Variants in SLC47A1 observed in about 807,000 individuals in gnomAD.
The protein encoded by SLC47A1 is multidrug and toxin extrusion protein 1.
Under a neutral mutation model 65.8 loss-of-function variants are expected in SLC47A1, and 58 were observed. The ratio of observed to expected loss-of-function variants is 0.88; its 90% CI spans 0.71 to 1.10. The LOEUF (loss-of-function observed/expected upper bound fraction) is 1.10. Ranked by LOEUF, SLC47A1 falls within the 50% of genes least tolerant of loss-of-function variation. The pLI is 0.00. For synonymous variants in SLC47A1, 285 were observed against 295.0 expected, an observed-to-expected ratio of 0.97 and a Z score of 0.35; for missense variants, 706 against 719.2, an observed-to-expected ratio of 0.98 and a Z score of 0.21.
In SLC47A1 at chr17:19,555,266, C is replaced by G. The variant is rs768154361; in HGVS notation, c.598C>G (p.Leu200Val). ...AGTTGCAGCCAACCTTGTCAATGCC[C>G]TCGCCAACTATCTGTTTCTCCATCA... ...TGVAANLVNALANYLFLHQLH... is the reference protein window; with the variant it reads ...TGVAANLVNAVANYLFLHQLH... The change falls in exon 7 of 17, where the codon CTC (leucine) becomes GTC (valine). Residue 200 changes from leucine to valine, a missense_variant. Physicochemically the swap from Leu to Val is conservative, Grantham distance 32. Transcript: ENST00000270570. 7.4e-6 allele frequency: 12 copies of G among 1,614,234 alleles called. No homozygotes were observed. The highest frequency in any genetic ancestry group is 1.0e-5 in the Non-Finnish European group (12 of 1,180,040).
intron 5 of SLC47A1, among the ~76,000 whole-genome samples, chr17:19,550,689 C>G (rs1466844917): frequency 1.3e-5 from 2 of 152,170 alleles, no homozygotes; most frequent in East Asian, 3.9e-4. Context: ...AATATAATAC[C>G]ACACACTAGG....
At position 19,543,166 on chromosome 17, in the gene SLC47A1, G is replaced by A. The variant is rs553231403; in HGVS notation, c.237+672G>A. Among the ~76,000 whole-genome samples the A allele has an allele frequency of 6.3e-3, 927 of 147,370 alleles. 11 individuals carry two copies. The highest frequency in any genetic ancestry group is 0.021 in the Middle Eastern group (5 of 238). Reference sequence around the variant, plus strand: ...GCTCCGTCACCCAGGCTGGAGTGCAGTGGTGTAATCTCGGCTCACTGCAAC... The same window carrying A: ...GCTCCGTCACCCAGGCTGGAGTGCAATGGTGTAATCTCGGCTCACTGCAAC... On this transcript the variant is annotated intron_variant, in intron 2 of 16. Transcript: ENST00000270570.
intron 14 of SLC47A1, among the ~76,000 whole-genome samples, chr17:19,570,391 T>C (rs2084390221): frequency 6.6e-6 from 1 of 152,002 alleles, no homozygotes; most frequent in Non-Finnish European, 1.5e-5. Flanking sequence ...AGCGTCACAG[T>C]GGATAAAAGG....
At chr17:19,557,417 T>C (rs1916647606) in intron 10 of SLC47A1, 3 of 318,832 alleles carry the variant, frequency 9.4e-6, no homozygotes, top group Middle Eastern at 4.6e-4. Context: ...TTCCACTATA[T>C]GTGATATACT....
intron 16 of SLC47A1, 47 bp from the exon 17 acceptor site, chr17:19,577,280 G>GA (rs35672252): frequency 0.19 from 285,163 of 1,530,738 alleles, 20,360 homozygotes; most frequent in East Asian, 0.29. Flanking sequence ...TTATAAAAAT[G>GA]AAAAAAAAAA....
chr17:19,574,369 C>G (rs940643021), intron 16 of SLC47A1, among the ~76,000 whole-genome samples: 1 of 152,156 alleles, frequency 6.6e-6, no homozygotes, highest in South Asian at 2.1e-4. Flanking sequence ...GTAGGTCTCT[C>G]TGACCTGCAT....
intron 3 of SLC47A1, among the ~76,000 whole-genome samples, chr17:19,547,242 C>G (rs771613326): frequency 6.6e-6 from 1 of 151,984 alleles, no homozygotes; most frequent in Non-Finnish European, 1.5e-5. Context: ...TAGGGTTTTG[C>G]CATGTTGCAC....
intron 14 of SLC47A1, 48 bp downstream of exon 14, chr17:19,567,276 G>T: frequency 6.2e-7 from 1 of 1,612,266 alleles, no homozygotes; most frequent in Non-Finnish European, 8.5e-7. Flanking sequence ...ACCAGCCCAG[G>T]AAATGACCGT....
chr17:19,569,522 ATT>A (rs1203284226), intron 14 of SLC47A1, among the ~76,000 whole-genome samples: 1 of 152,148 alleles, frequency 6.6e-6, no homozygotes, highest in Non-Finnish European at 1.5e-5. Context: ...TGTGGTACGA[ATT>A]GGTTTTGAGT....
At chr17:19,534,838 C>A (rs1453898826) in intron 1 of SLC47A1, 2 of 152,162 alleles carry the variant, frequency 1.3e-5, no homozygotes, top group African/African-American at 4.8e-5. Flanking sequence ...GTTTTAAAAA[C>A]CACAAAAACA....
At chr17:19,556,097 G>A in intron 10 of SLC47A1, 35 bp downstream of exon 10, 2 of 1,610,812 alleles carry the variant, frequency 1.2e-6, no homozygotes, top group Non-Finnish European at 1.7e-6. Context: ...GAGGTGCCAG[G>A]CGTTTTCCTT....
intron 4 of SLC47A1, 54 bp downstream of exon 4, chr17:19,548,187 T>A: frequency 1.3e-6 from 2 of 1,578,876 alleles, no homozygotes; most frequent in Non-Finnish European, 1.7e-6. Flanking sequence ...GGAAAGATTA[T>A]CCTGTCTGGG....
chr17:19,566,628 T>C (rs2084359870), intron 12 of SLC47A1, among the ~76,000 whole-genome samples, 162 bp from the exon 13 acceptor site: 1 of 152,180 alleles, frequency 6.6e-6, no homozygotes, highest in South Asian at 2.1e-4. Context: ...TTTCACCATG[T>C]TGGCCAGGCT....
In SLC47A1 at chr17:19,555,886, A is replaced by G. The variant is rs766901352; in HGVS notation, c.830A>G (p.Tyr277Cys). 7.4e-6 allele frequency: 12 copies of G among 1,613,822 alleles called. No individual in the cohort carries two copies. The South Asian group carries it at 8.8e-5, about 12-fold the overall frequency. The change falls in exon 9 of 17, where the codon TAT (tyrosine) becomes TGT (cysteine). Residue 277 changes from tyrosine to cysteine, a missense_variant. Coordinates refer to ENST00000270570, the MANE Select transcript of SLC47A1 (RefSeq NM_018242.3). ...ATGCTGTGCATGGAGTGGTGGGCCT[A>G]TGAGGTCGGGAGCTTCCTCAGTGGT... ...MLMLCMEWWA[Y>C]EVGSFLSGIL...
intron 1 of SLC47A1, among the ~76,000 whole-genome samples, chr17:19,539,813 A>G (rs1343923257): frequency 6.6e-6 from 1 of 152,138 alleles, no homozygotes; most frequent in African/African-American, 2.4e-5. Flanking sequence ...GCGATGGGCC[A>G]GGGCAAAGGC....
chr17:19,577,250 T>C (rs2084447798), intron 16 of SLC47A1, 77 bp from the exon 17 acceptor site: 5 of 1,560,174 alleles, frequency 3.2e-6, no homozygotes, highest in South Asian at 2.4e-5. Context: ...TTAGCACATA[T>C]TCCTTTTATA....
chr17:19,567,857 A>G (rs11871177), intron 14 of SLC47A1: 2,436 of 152,736 alleles, frequency 0.016, 58 homozygotes, highest in African/African-American at 0.056. Context: ...CTGTGCCCCC[A>G]CAGAGCTCCC....
At chr17:19,560,668 C>T (rs2084301916) in intron 12 of SLC47A1, 175 bp downstream of exon 12, 1 of 664,708 alleles carries the variant, frequency 1.5e-6, no homozygotes, top group South Asian at 1.8e-5. Flanking sequence ...CACCTGAGGT[C>T]AGGAGTTCAA....
At chr17:19,561,574 T>C (rs1430796970) in intron 12 of SLC47A1, among the ~76,000 whole-genome samples, 1 of 133,824 alleles carries the variant, frequency 7.5e-6, no homozygotes, top group East Asian at 2.2e-4. Flanking sequence ...ACCCGGGAGG[T>C]GGAGCTTGCA....
Sources: gnomAD v4.1 joint callset for allele counts (sites outside exome capture counted in the v4.1 genomes callset) on GRCh38, gnomAD v4.1.1 for gene constraint, MANE v1.5 for transcripts, NCBI Gene and HGNC (gene_info 2026-07-23, HGNC 2026-07-21) for gene names.